The following KLRC3 variants were observed in gnomAD, a reference collection of about 807,000 sequenced individuals.
KLRC3 encodes the protein killer cell lectin like receptor C3.
KLRC3 carries 16 observed loss-of-function variants against 23.6 expected under a neutral mutation model. The ratio of observed to expected loss-of-function variants is 0.68; its 90% CI spans 0.46 to 1.03. The LOEUF (loss-of-function observed/expected upper bound fraction) is 1.03. Among genes scored for constraint, KLRC3 ranks in the 50% least tolerant of loss-of-function variants. The pLI is 0.00. For synonymous variants in KLRC3, 70 were observed against 71.8 expected (o/e 0.98, Z 0.13); for missense variants, 209 against 232.2 (o/e 0.90, Z 0.65).
intron 4 of KLRC3, 95 bp downstream of exon 4, chr12:10,418,249 G>A: frequency 8.3e-7 from 1 of 1,199,240 alleles, no homozygotes; most frequent in Non-Finnish European, 1.2e-6. Context: ...AAATATATAA[G>A]CTAAATATAT....
At position 10,420,467 on chromosome 12, in the gene KLRC3, T is replaced by A. The variant is rs1863705997; in HGVS notation, c.84A>T (p.Lys28Asn). Residue 28 changes from lysine to asparagine, a missense_variant, in exon 1 of 7, where the codon AAA (lysine) becomes AAT (asparagine). Lys to Asn is a moderately conservative substitution (Grantham distance 94). Around this residue, in one of 4 missense-constraint regions of KLRC3, gnomAD observed 109 missense variants for 113.2 expected, o/e 0.96. Transcript: ENST00000396439. ...KWQQRKPKGN[K>N]SSISGTEQEI... is the part of the protein sequence containing the mutation. ...CCTGTTCGGTTCCTGAAATGGAGCT[T>A]TTATTGCCTTTAGGTTTCCTTTGCT... The A allele has an allele frequency of 6.2e-7, 1 of 1,612,978 alleles. No homozygotes were observed. The highest frequency in any genetic ancestry group is 8.5e-7 in the Non-Finnish European group (1 of 1,179,592).
chr12:10,420,486 C>T lies in KLRC3; in HGVS notation c.65G>A (p.Arg22Lys), dbSNP rs747622185. ...GGAGCTTTTATTGCCTTTAGGTTTCCTTTGCTGCCACTTTGGGTCCTGGGC... is the reference window on the plus strand; with the variant it reads ...GGAGCTTTTATTGCCTTTAGGTTTCTTTTGCTGCCACTTTGGGTCCTGGGC... ...SLAQDPKWQQ[R>K]KPKGNKSSIS... Residue 22 changes from arginine (R) to lysine (K), a missense_variant, in exon 1 of 7, where the codon AGG becomes AAG. Physicochemically the swap from Arg to Lys is conservative, Grantham distance 26. This residue lies in a region of KLRC3 where 9 missense variants were observed against 28.5 expected (regional missense o/e 0.32). Transcript: ENST00000396439. 4.3e-5 allele frequency: 70 copies of T among 1,611,290 alleles called. No homozygotes were observed. In the Admixed American group the frequency reaches 5.2e-4, roughly 12 times the overall value.
chr12:10,412,429 A>G lies in KLRC3; in HGVS notation c.*143T>C. On this transcript the variant is annotated 3_prime_UTR_variant, in exon 7 of 7. Coordinates refer to ENST00000396439, the MANE Select transcript of KLRC3 (RefSeq NM_002261.3). ...ATAGAGAGGGAAAAGTAATTTTTAA[A>G]ACATCATCTAGTTAAAAATAGGGAG... The G allele has an allele frequency of 1.6e-6, 1 of 644,250 alleles. No individual in the cohort carries two copies. The highest frequency in any genetic ancestry group is 2.8e-5 in the East Asian group (1 of 35,884). 39.9% of individuals were successfully genotyped at this position (644,250 alleles called of 1,614,324 possible).
At chr12:10,420,149 A>G (rs1444882524) in intron 1 of KLRC3, among the ~76,000 whole-genome samples, 185 bp from the exon 2 acceptor site, 2 of 152,002 alleles carry the variant, frequency 1.3e-5, no homozygotes, top group African/African-American at 4.8e-5. Context: ...TTTTCAGTAA[A>G]TGTAATGTTC....
chr12:10,415,781 C>T lies in KLRC3; in HGVS notation c.601G>A (p.Asp201Asn). 1 of 1,610,622 alleles carries T rather than the reference C, an allele frequency of 6.2e-7. No homozygotes were observed. Among genetic ancestry groups the T allele is most frequent in the Non-Finnish European group, 8.5e-7 (1 of 1,178,362 alleles). Residue 201 changes from aspartate to asparagine, a missense_variant, in exon 6 of 7, where the codon GAT becomes AAT. Asp to Asn is a conservative substitution (Grantham distance 23). This residue lies in a region of KLRC3 where 74 missense variants were observed against 51.0 expected (regional missense o/e 1.45). Coordinates refer to ENST00000396439, the MANE Select transcript of KLRC3 (RefSeq NM_002261.3). ...ATTGCACAGTTACGTTCAGCATGAT[C>T]TGAGTCTTTTATCCTGTAATGGAGA... ...LAFKHEIKDS[D>N]HAERNCAMLH...
chr12:10,418,349 C>A lies in KLRC3; in HGVS notation c.481G>T (p.Glu161Ter). The A allele has an allele frequency of 6.2e-7, 1 of 1,602,972 alleles. No homozygotes were observed. Among genetic ancestry groups the A allele is most frequent in the Non-Finnish European group, 8.5e-7 (1 of 1,172,736 alleles). Residue 161 changes from glutamate (E) to a stop codon, truncating the protein, a stop_gained, in exon 4 of 7, where the codon GAA becomes TAA. Transcript: ENST00000396439. LOFTEE classifies it high-confidence loss of function. Reference protein sequence around the residue: ...SSLLCIDNEEEMKFLASILPS... With the variant: ...SSLLCIDNEE ...TTGAAACATTTACATCTTACCATTT[C>A]TTCTTCATTATCTATACAAAGCAGA...
In KLRC3 at chr12:10,412,498, G is replaced by T; in HGVS notation, c.*74C>A. The stretch of plus-strand genomic sequence containing the variant: ...TTAAAACACAAGCTAAATGGTACAT[G>T]AGCACTCAGGGGCGGTGGCTTGTGT... On this transcript the variant is annotated 3_prime_UTR_variant, in exon 7 of 7. Transcript: ENST00000396439. 2.9e-6 allele frequency: 2 copies of T among 700,610 alleles called. No individual in the cohort carries two copies. The highest frequency in any genetic ancestry group is 1.5e-5 in the South Asian group (1 of 67,364). 43.4% of individuals were successfully genotyped at this position (700,610 alleles called of 1,614,324 possible). A position where few individuals can be genotyped will look rare whatever the true frequency, so the allele number is the denominator to read the frequency against.
chr12:10,418,250 C>A (rs35253711), intron 4 of KLRC3, 94 bp downstream of exon 4: 3 of 1,206,812 alleles, frequency 2.5e-6, no homozygotes, highest in Non-Finnish European at 3.5e-6. Flanking sequence ...AATATATAAG[C>A]TAAATATATG....
Position 10,412,329 on chromosome 12 carries a change from T to C in KLRC3, c.*243A>G. 1 of 540,568 alleles carries C rather than the reference T, an allele frequency of 1.8e-6. No individual in the cohort carries two copies. 33.5% of individuals were successfully genotyped at this position (540,568 alleles called of 1,614,324 possible). ...ACCACTCATTATATTGTTCATTGAT[T>C]TATTTTCCAATCATAACGGTCTGCA... On this transcript the variant is annotated 3_prime_UTR_variant, in exon 7 of 7. Coordinates refer to ENST00000396439, the MANE Select transcript of KLRC3 (RefSeq NM_002261.3).
rs1448969006 is a variant in KLRC3, at chr12:10,420,282, T to C, written c.187+82A>G. The C allele has an allele frequency of 2.8e-6, 4 of 1,416,144 alleles. No homozygotes were observed. The African/African-American group carries it at 5.7e-5, about 20-fold the overall frequency. 87.7% of individuals were successfully genotyped at this position (1,416,144 alleles called of 1,614,324 possible). On this transcript the variant is annotated intron_variant, in intron 1 of 6. Transcript: ENST00000396439. ...AACTCTGATTCTCACAAGTGTAAAA[T>C]ATTCCCTAATCTTTCCTCACCCTTC...
intron 1 of KLRC3, 50 bp downstream of exon 1, chr12:10,420,314 C>G: frequency 6.4e-7 from 1 of 1,574,480 alleles, no homozygotes; most frequent in East Asian, 2.2e-5. Flanking sequence ...CTTCTGCATT[C>G]AACTGCACAT....
At chr12:10,416,986 A>G (rs572158746) in intron 4 of KLRC3, among the ~76,000 whole-genome samples, 10 of 151,968 alleles carry the variant, frequency 6.6e-5, no homozygotes, top group Admixed American at 1.3e-4. Flanking sequence ...TAGTTACTCC[A>G]ATTAACAGAA....
chr12:10,415,722 A>G lies in KLRC3; in HGVS notation c.660T>C (p.Cys220=), dbSNP rs1363943832. The G allele has an allele frequency of 2.5e-6, 4 of 1,613,842 alleles. No individual in the cohort carries two copies. In the African/African-American group the frequency reaches 5.3e-5, roughly 22 times the overall value. The part of the protein sequence containing the change: ...LHVRGLISDQ[C]GSSRIIRRGF... ...TGCTCACAATGATTCTTGAAGATCC[A>G]CACTGGTCTGATATAAGTCCACGTA... Residue 220 remains cysteine (C), a synonymous_variant, in exon 6 of 7, where the codon TGT becomes TGC. Transcript: ENST00000396439.
At chr12:10,416,524 T>C in intron 5 of KLRC3, 143 bp downstream of exon 5, 1 of 1,052,308 alleles carries the variant, frequency 9.5e-7, no homozygotes, top group Non-Finnish European at 1.3e-6. Flanking sequence ...ACTACTATGG[T>C]CTATTGTAAA....
chr12:10,416,247 T>C (rs1178917099), intron 5 of KLRC3, among the ~76,000 whole-genome samples: 2 of 152,250 alleles, frequency 1.3e-5, no homozygotes, highest in Non-Finnish European at 2.9e-5. Flanking sequence ...CAAGCTTGTC[T>C]AACTTACGGC....
chr12:10,415,527 C>T lies in KLRC3; in HGVS notation c.678+177G>A, dbSNP rs969442308. On this transcript the variant is annotated intron_variant, in intron 6 of 6. Coordinates refer to ENST00000396439, the MANE Select transcript of KLRC3 (RefSeq NM_002261.3). Reference sequence around the variant, plus strand: ...TTAAATGCGAGGGTATCTGTACTTCCGTAATTGTGTGTATTATATTTCAAT... The same window carrying T: ...TTAAATGCGAGGGTATCTGTACTTCTGTAATTGTGTGTATTATATTTCAAT... The T allele has an allele frequency of 3.1e-5, 33 of 1,063,606 alleles. 1 individual carries two copies. Among genetic ancestry groups the T allele is most frequent in the South Asian group, 1.1e-4 (6 of 55,640 alleles). 65.9% of individuals were successfully genotyped at this position (1,063,606 alleles called of 1,614,324 possible).
intron 5 of KLRC3, 23 bp downstream of exon 5, chr12:10,416,644 T>C: frequency 4.4e-6 from 7 of 1,599,022 alleles, no homozygotes; most frequent in Non-Finnish European, 6.0e-6. Flanking sequence ...TTTTTTTATA[T>C]AGCACCCTAT....
At chr12:10,413,390 T>C (rs548458016) in intron 6 of KLRC3, among the ~76,000 whole-genome samples, 1 of 152,292 alleles carries the variant, frequency 6.6e-6, no homozygotes, top group African/African-American at 2.4e-5. Flanking sequence ...ACCATTATGG[T>C]CTTTACAGTT....
intron 5 of KLRC3, 139 bp downstream of exon 5, chr12:10,416,528 T>C (rs1331970157): frequency 4.2e-5 from 46 of 1,090,016 alleles, no homozygotes; most frequent in Non-Finnish European, 5.4e-5. Context: ...CTATGGTCTA[T>C]TGTAAAATAT....
Sources: gnomAD v4.1 joint callset for allele counts (sites outside exome capture counted in the v4.1 genomes callset) on GRCh38, gnomAD v4.1.1 for gene constraint, gnomAD v4.1.1 regional missense constraint, MANE v1.5 for transcripts, NCBI Gene and HGNC (gene_info 2026-07-23, HGNC 2026-07-21) for gene names.